FAM107B: variants seen among roughly 807,000 people sequenced by gnomAD.
The protein encoded by FAM107B is protein FAM107B.
In FAM107B, 21 loss-of-function variants were observed where a neutral mutation model predicts 31.5. That is an observed-to-expected ratio of 0.67 (90% CI 0.47 to 0.96). FAM107B has a LOEUF of 0.96. FAM107B is among the 40% of genes least tolerant of loss of function. FAM107B has a pLI of 0.00. For missense variants in FAM107B, 452 were observed against 377.1 expected (o/e 1.20, Z -1.64); for synonymous variants, 157 against 141.5 (o/e 1.11, Z -0.78).
chr10:14,629,361 T>C, intron 2 of FAM107B, among the ~76,000 whole-genome samples: 1 of 69,338 alleles, frequency 1.4e-5, no homozygotes, highest in Non-Finnish European at 2.7e-5. Flanking sequence ...ATATAATATA[T>C]ATTATATATT....
At chr10:14,761,787 G>A (rs1833053164) in intron 1 of FAM107B, among the ~76,000 whole-genome samples, 1 of 151,870 alleles carries the variant, frequency 6.6e-6, no homozygotes, top group African/African-American at 2.4e-5. Flanking sequence ...TAGTAGAGGG[G>A]GGGGTTTCAC....
intron 2 of FAM107B, among the ~76,000 whole-genome samples, chr10:14,617,867 G>A (rs539204532): frequency 3.9e-5 from 6 of 152,198 alleles, no homozygotes; most frequent in South Asian, 2.1e-4. Context: ...TGAGACAGGC[G>A]AATTGCTTGA....
At chr10:14,717,626 C>T (rs1783847030) in intron 1 of FAM107B, among the ~76,000 whole-genome samples, 1 of 152,148 alleles carries the variant, frequency 6.6e-6, no homozygotes, top group Non-Finnish European at 1.5e-5. Flanking sequence ...GCTGCTTCTC[C>T]CCAATCTTCC....
chr10:14,600,069 G>A (rs1321882509), intron 2 of FAM107B, among the ~76,000 whole-genome samples: 3 of 151,888 alleles, frequency 2.0e-5, no homozygotes, highest in Non-Finnish European at 4.4e-5. Flanking sequence ...ATCTGAGTCC[G>A]AATAATGTTC....
chr10:14,748,461 T>C (rs74122982), intron 1 of FAM107B, among the ~76,000 whole-genome samples: 17,263 of 152,244 alleles, frequency 0.11, 2,211 homozygotes, highest in African/African-American at 0.31. Flanking sequence ...AGCTAACTAG[T>C]CCCATCTTTC....
chr10:14,696,380 A>T (rs2768739), intron 1 of FAM107B, among the ~76,000 whole-genome samples: 6,178 of 152,194 alleles, frequency 0.041, 352 homozygotes, highest in African/African-American at 0.13. Context: ...GTATTCTTGG[A>T]TTCTATTTGC....
chr10:14,761,152 G>T (rs548070021), intron 1 of FAM107B, among the ~76,000 whole-genome samples: 112 of 151,886 alleles, frequency 7.4e-4, no homozygotes, highest in African/African-American at 2.6e-3. Flanking sequence ...TGCTTACTCA[G>T]TAATAAGTGT....
At chr10:14,634,332 TG>T (rs1373766018) in intron 2 of FAM107B, among the ~76,000 whole-genome samples, 1 of 147,806 alleles carries the variant, frequency 6.8e-6, no homozygotes, top group African/African-American at 2.5e-5. Context: ...CCCAGGAGGC[TG>T]GGGTTGCAGT....
chr10:14,598,272 C>G (rs558594997), intron 2 of FAM107B, among the ~76,000 whole-genome samples: 2 of 152,300 alleles, frequency 1.3e-5, no homozygotes, highest in East Asian at 1.9e-4. Flanking sequence ...ACCTCTTCCC[C>G]TATGTTTTCT....
chr10:14,734,968 T>A lies in FAM107B; in HGVS notation c.411+39285A>T, dbSNP rs1230230692. ...TAGAGGCCCATCTGTTCCAGCCGAA[T>A]CTGCCAAGTCAGCAGAGTGAGTCTC... On this transcript the variant is annotated intron_variant, in intron 1 of 4. Coordinates refer to ENST00000181796, the MANE Select transcript of FAM107B (RefSeq NM_031453.4). Among the ~76,000 whole-genome samples the A allele has an allele frequency of 2.0e-5, 3 of 152,182 alleles. 1 individual carries two copies. Among genetic ancestry groups the A allele is most frequent in the East Asian group, 3.8e-4 (2 of 5,200 alleles).
chr10:14,625,304 T>C (rs1456326174), intron 2 of FAM107B, among the ~76,000 whole-genome samples: 1 of 150,990 alleles, frequency 6.6e-6, no homozygotes, highest in African/African-American at 2.4e-5. Context: ...CTCCCAGCCC[T>C]GGGAATTTTT....
chr10:14,720,496 C>T (rs931237493), intron 1 of FAM107B, among the ~76,000 whole-genome samples: 3 of 152,178 alleles, frequency 2.0e-5, no homozygotes, highest in Non-Finnish European at 2.9e-5. Context: ...TCAGGTTATC[C>T]GCCTGCCTCA....
chr10:14,530,243 T>C, intron 3 of FAM107B, 89 bp downstream of exon 3: 1 of 1,339,262 alleles, frequency 7.5e-7, no homozygotes, highest in Non-Finnish European at 1.0e-6. Flanking sequence ...TCAAAGACTC[T>C]TTGAAGCCTC....
rs541450752 is a variant in FAM107B, at chr10:14,714,531, AGCAG to A, written c.412-46844_412-46841del. Reference sequence around the variant, plus strand: ...AAGATGCTGCCACACCTCAGTAGACAGCAGGCCCAGGACAAATCCAGACCTGCAC... The same window carrying A: ...AAGATGCTGCCACACCTCAGTAGACAGCCCAGGACAAATCCAGACCTGCAC... On this transcript the variant is annotated intron_variant, in intron 1 of 4. Coordinates refer to ENST00000181796, the MANE Select transcript of FAM107B (RefSeq NM_031453.4). Among the ~76,000 whole-genome samples the A allele has an allele frequency of 6.2e-4, 94 of 152,350 alleles. 1 individual carries two copies. Among genetic ancestry groups the A allele is most frequent in the African/African-American group, 2.0e-3 (82 of 41,578 alleles).
chr10:14,530,176 G>A, intron 3 of FAM107B, 156 bp downstream of exon 3: 2 of 824,384 alleles, frequency 2.4e-6, no homozygotes, highest in South Asian at 2.0e-5. Context: ...TCACGGAGGG[G>A]TAACCCGGTT....
At chr10:14,727,336 T>G (rs964398509) in intron 1 of FAM107B, among the ~76,000 whole-genome samples, 1 of 152,226 alleles carries the variant, frequency 6.6e-6, no homozygotes, top group Non-Finnish European at 1.5e-5. Context: ...TGTATTATTT[T>G]AGAAATACAC....
chr10:14,590,475 T>TA (rs1272087503), intron 2 of FAM107B, among the ~76,000 whole-genome samples: 1 of 152,246 alleles, frequency 6.6e-6, no homozygotes, highest in Non-Finnish European at 1.5e-5. Flanking sequence ...TCCATTCTGG[T>TA]AGCCTTCAAG....
intron 2 of FAM107B, among the ~76,000 whole-genome samples, chr10:14,632,623 A>AT (rs1853395999): frequency 6.6e-6 from 1 of 151,900 alleles, no homozygotes; most frequent in African/African-American, 2.4e-5. Context: ...AAAAAAAAAA[A>AT]AAAAAGAGAA....
At chr10:14,701,005 A>C (rs1015951576) in intron 1 of FAM107B, among the ~76,000 whole-genome samples, 1 of 152,124 alleles carries the variant, frequency 6.6e-6, no homozygotes, top group East Asian at 1.9e-4. Flanking sequence ...AGTGAAACCT[A>C]GTCATATTTT....
Sources: gnomAD v4.1 joint callset for allele counts (sites outside exome capture counted in the v4.1 genomes callset) on GRCh38, gnomAD v4.1.1 for gene constraint, MANE v1.5 for transcripts, NCBI Gene and HGNC (gene_info 2026-07-23, HGNC 2026-07-21) for gene names.